The following USP6NL variants were observed in gnomAD, a reference collection of about 807,000 sequenced individuals.
USP6NL encodes the protein USP6 N-terminal like, also known as USP6 N-terminal-like protein.
In USP6NL, 26 loss-of-function variants were observed where a neutral mutation model predicts 61.9. The ratio of observed to expected loss-of-function variants is 0.42; its 90% confidence interval spans 0.31 to 0.58. The LOEUF (loss-of-function observed/expected upper bound fraction) is 0.58. USP6NL is among the 20% of genes least tolerant of loss of function. USP6NL has a pLI of 0.16. For synonymous variants in USP6NL, 432 were observed against 390.1 expected (o/e 1.11, Z -1.27); for missense variants, 1,114 against 1,034.3 (o/e 1.08, Z -1.06).
intron 1 of USP6NL, among the ~76,000 whole-genome samples, chr10:11,610,176 AT>A (rs1278009196): frequency 6.6e-6 from 1 of 151,988 alleles, no homozygotes; most frequent in South Asian, 2.1e-4. Context: ...TATTAGTATA[AT>A]TTTTTTTCTA....
chr10:11,543,874 C>T (rs1297186787), intron 2 of USP6NL, among the ~76,000 whole-genome samples: 1 of 130,854 alleles, frequency 7.6e-6, no homozygotes, highest in African/African-American at 2.9e-5. Context: ...TGCAGTGGCG[C>T]AGTCTCGGCT....
chr10:11,584,001 C>T lies in USP6NL; in HGVS notation c.4+13630G>A, dbSNP rs551901154. On this transcript the variant is annotated intron_variant, in intron 2 of 14. Coordinates refer to ENST00000609104, the MANE Select transcript of USP6NL (RefSeq NM_014688.5). Reference sequence around the variant, plus strand: ...GCGAGATCACGTCACTGCACTCCAGCCTGGGCGACACAGCGAGACTCTGTC... The same window carrying T: ...GCGAGATCACGTCACTGCACTCCAGTCTGGGCGACACAGCGAGACTCTGTC... Among the ~76,000 whole-genome samples, 75 of 152,280 alleles carry T rather than the reference C, an allele frequency of 4.9e-4. 1 individual carries two copies. In the South Asian group the frequency reaches 0.016, roughly 32 times the overall value.
chr10:11,485,742 C>G lies in USP6NL; in HGVS notation c.759+75G>C. ...CTATAAATTAATAAGGTAATTGGAC[C>G]AAAGACAATTTAATTATCCCAGCTT... is the stretch of plus-strand genomic sequence containing the variant. On this transcript the variant is annotated intron_variant, in intron 11 of 14. Transcript: ENST00000609104. The surrounding 1 kb of genome is among the most constrained non-coding windows in gnomAD (Gnocchi z 4.8). The G allele has an allele frequency of 1.0e-6, 1 of 961,486 alleles. No homozygotes were observed. The highest frequency in any genetic ancestry group is 1.6e-6 in the Non-Finnish European group (1 of 643,156). The allele number at this position is 961,486 out of a possible 1,614,324, so 59.6% of individuals were successfully genotyped here.
At chr10:11,500,061 G>A (rs138749856) in intron 7 of USP6NL, among the ~76,000 whole-genome samples, 1 of 152,096 alleles carries the variant, frequency 6.6e-6, no homozygotes. Context: ...GCAAACTAAC[G>A]CAAGAACAGA....
At position 11,587,211 on chromosome 10, in the gene USP6NL, A is replaced by G. The variant is rs1838003083; in HGVS notation, c.4+10420T>C. Among the ~76,000 whole-genome samples the G allele has an allele frequency of 6.6e-6, 1 of 152,188 alleles. No homozygotes were observed. Among genetic ancestry groups the G allele is most frequent in the East Asian group, 1.9e-4 (1 of 5,200 alleles). ...AGTATCTGTTTATACTAAAATTAAA[A>G]CAATTATTATTTATTCAAAATTACA... On this transcript the variant is annotated intron_variant, in intron 2 of 14. Coordinates refer to ENST00000609104, the MANE Select transcript of USP6NL (RefSeq NM_014688.5). This position sits in a 1 kb window ranked among gnomAD's most constrained non-coding sequence, Gnocchi z 4.5.
intron 4 of USP6NL, among the ~76,000 whole-genome samples, chr10:11,519,838 C>CT (rs1835133946): frequency 6.6e-6 from 1 of 152,154 alleles, no homozygotes; most frequent in Admixed American, 6.5e-5. Context: ...AAGTTATGCA[C>CT]TTTGAGTAGC....
In USP6NL at chr10:11,490,158, C is replaced by T. The variant is rs926327590; in HGVS notation, c.543+674G>A. Among the ~76,000 whole-genome samples, 4 of 152,150 alleles carry T rather than the reference C, an allele frequency of 2.6e-5. No individual in the cohort carries two copies. Among genetic ancestry groups the T allele is most frequent in the Non-Finnish European group, 5.9e-5 (4 of 68,026 alleles). ...CCTTTTTAACTTTTCCTAGTTTGAG[C>T]GAATTTCTGTTCTTATAATTTAAAG... is the stretch of plus-strand genomic sequence containing the variant. On this transcript the variant is annotated intron_variant, in intron 9 of 14. Coordinates refer to ENST00000609104, the MANE Select transcript of USP6NL (RefSeq NM_014688.5). This position sits in a 1 kb window ranked among gnomAD's most constrained non-coding sequence, Gnocchi z 4.5.
chr10:11,583,070 A>T (rs1837839339), intron 2 of USP6NL, among the ~76,000 whole-genome samples: 1 of 151,860 alleles, frequency 6.6e-6, no homozygotes, highest in Admixed American at 6.6e-5. Flanking sequence ...GATTCTTGCA[A>T]ATAAAGGATG....
In USP6NL at chr10:11,463,953, T is replaced by TGAA; in HGVS notation, c.1079-105_1079-104insTTC. On this transcript the variant is annotated intron_variant, in intron 14 of 14. Transcript: ENST00000609104. This position sits in a 1 kb window ranked among gnomAD's most constrained non-coding sequence, Gnocchi z 6.3. ...GGCATGCTTTTCATCTGTGCACAGA[T>TGAA]ACACGCTGACATACAACACACTGTC... The TGAA allele has an allele frequency of 2.8e-6, 3 of 1,079,856 alleles. No individual in the cohort carries two copies. Among genetic ancestry groups the TGAA allele is most frequent in the Non-Finnish European group, 3.9e-6 (3 of 764,596 alleles). The allele number at this position is 1,079,856 out of a possible 1,614,324, so 66.9% of individuals were successfully genotyped here. A position where few individuals can be genotyped will look rare whatever the true frequency, so the allele number is the denominator to read the frequency against.
Position 11,540,315 on chromosome 10 carries a change from T to C in USP6NL, c.5-12748A>G, listed in dbSNP as rs1423443217. ...TATATTATGTTTTAAGTTGTGTGTT[T>C]TAGGATAATAACAAGAAATGATCTG... is the stretch of plus-strand genomic sequence containing the variant. On this transcript the variant is annotated intron_variant, in intron 2 of 14. Coordinates refer to ENST00000609104, the MANE Select transcript of USP6NL (RefSeq NM_014688.5). This position sits in a 1 kb window ranked among gnomAD's most constrained non-coding sequence, Gnocchi z 5.0. 6.6e-6 allele frequency among the ~76,000 whole-genome samples: 1 copy of C among 152,210 alleles called. No homozygotes were observed. Among genetic ancestry groups the C allele is most frequent in the Non-Finnish European group, 1.5e-5 (1 of 68,038 alleles).
At position 11,574,476 on chromosome 10, in the gene USP6NL, C is replaced by T. The variant is rs1267430635; in HGVS notation, c.4+23155G>A. On this transcript the variant is annotated intron_variant, in intron 2 of 14. Coordinates refer to ENST00000609104, the MANE Select transcript of USP6NL (RefSeq NM_014688.5). This position sits in a 1 kb window ranked among gnomAD's most constrained non-coding sequence, Gnocchi z 4.3. ...GCTCCTTCCATATGATGTTTAACAG[C>T]CAAGTTGTAACAAATGCTGAATTAA... Among the ~76,000 whole-genome samples the T allele has an allele frequency of 2.6e-5, 4 of 152,144 alleles. No homozygotes were observed. The highest frequency in any genetic ancestry group is 9.7e-5 in the African/African-American group (4 of 41,426).
chr10:11,468,425 C>T lies in USP6NL; in HGVS notation c.1079-4576G>A, dbSNP rs911527513. Among the ~76,000 whole-genome samples, 4 of 152,168 alleles carry T rather than the reference C, an allele frequency of 2.6e-5. No individual in the cohort carries two copies. Among genetic ancestry groups the T allele is most frequent in the Admixed American group, 1.3e-4 (2 of 15,262 alleles). On this transcript the variant is annotated intron_variant, in intron 14 of 14. Transcript: ENST00000609104. The surrounding 1 kb of genome is among the most constrained non-coding windows in gnomAD (Gnocchi z 4.5). The stretch of plus-strand genomic sequence containing the variant: ...TTCTCATTCTAAAACCTCTTTTTCA[C>T]TGAAAACATGGAAGCGAAACACTAC...
chr10:11,516,064 C>T (rs933531537), intron 5 of USP6NL, among the ~76,000 whole-genome samples: 4 of 152,068 alleles, frequency 2.6e-5, no homozygotes, highest in African/African-American at 9.7e-5. Context: ...CTCAAAGAAA[C>T]AATATAATCC....
chr10:11,555,433 A>AAAAATATATAT (rs1275798295), intron 2 of USP6NL, among the ~76,000 whole-genome samples: 2 of 49,024 alleles, frequency 4.1e-5, no homozygotes, highest in Admixed American at 3.0e-4. Flanking sequence ...AAAAAAAAAA[A>AAAAATATATAT]ATATATATAT....
In USP6NL at chr10:11,595,660, A is replaced by G. The variant is rs1169978597; in HGVS notation, c.4+1971T>C. 6.7e-6 allele frequency among the ~76,000 whole-genome samples: 1 copy of G among 150,016 alleles called. No homozygotes were observed. Among genetic ancestry groups the G allele is most frequent in the Non-Finnish European group, 1.5e-5 (1 of 66,662 alleles). ...AAAAAAACAAAAATCACAAAAAGAA[A>G]GAGAGAGACATAAGAGCAAAAAAAC... On this transcript the variant is annotated intron_variant, in intron 2 of 14. Transcript: ENST00000609104. This position sits in a 1 kb window ranked among gnomAD's most constrained non-coding sequence, Gnocchi z 5.3.
Position 11,485,260 on chromosome 10 carries a change from T to C in USP6NL, c.760-26A>G. The C allele has an allele frequency of 2.0e-6, 3 of 1,501,954 alleles. No homozygotes were observed. Among genetic ancestry groups the C allele is most frequent in the Non-Finnish European group, 2.7e-6 (3 of 1,127,792 alleles). The allele number at this position is 1,501,954 out of a possible 1,614,324, so 93.0% of individuals were successfully genotyped here. ...CTGAAAAAACAAAGAGCTCACAATT[T>C]ATGGATTGTAGCAAACTAAATTTAA... On this transcript the variant is annotated intron_variant, in intron 11 of 14. Coordinates refer to ENST00000609104, the MANE Select transcript of USP6NL (RefSeq NM_014688.5). This position sits in a 1 kb window ranked among gnomAD's most constrained non-coding sequence, Gnocchi z 4.8.
intron 14 of USP6NL, among the ~76,000 whole-genome samples, chr10:11,472,423 A>T (rs967714193): frequency 1.3e-5 from 2 of 152,172 alleles, no homozygotes; most frequent in East Asian, 3.9e-4. Flanking sequence ...GAGGCGCATC[A>T]TTGCAGCAAA....
Position 11,522,434 on chromosome 10 carries a change from C to T in USP6NL, c.155+2952G>A, listed in dbSNP as rs146832859. Among the ~76,000 whole-genome samples the T allele has an allele frequency of 7.7e-4, 117 of 152,226 alleles. 2 individuals are homozygous for T. The highest frequency in any genetic ancestry group is 2.7e-3 in the African/African-American group (111 of 41,534). ...TTTTATTCAATAGCGCATAAAACTC[C>T]GGTCTGTGGTGACAAGCAATAAAAA... On this transcript the variant is annotated intron_variant, in intron 4 of 14. Coordinates refer to ENST00000609104, the MANE Select transcript of USP6NL (RefSeq NM_014688.5).
intron 2 of USP6NL, among the ~76,000 whole-genome samples, chr10:11,572,512 T>C (rs887017338): frequency 1.4e-4 from 22 of 152,002 alleles, no homozygotes; most frequent in Non-Finnish European, 2.9e-4. Context: ...AGACAAGATG[T>C]CTAAGATTTC....
Sources: gnomAD v4.1 joint callset for allele counts (sites outside exome capture counted in the v4.1 genomes callset) on GRCh38, gnomAD v4.1.1 for gene constraint, Gnocchi (gnomAD v3.1) non-coding constraint, MANE v1.5 for transcripts, NCBI Gene and HGNC (gene_info 2026-07-23, HGNC 2026-07-21) for gene names.